The following AMOT variants were observed in gnomAD, a reference collection of about 807,000 sequenced individuals.
AMOT encodes angiomotin.
AMOT carries 11 observed loss-of-function variants against 67.0 expected under a neutral mutation model. That is an observed-to-expected ratio of 0.16 (90% CI 0.10 to 0.27). The LOEUF (loss-of-function observed/expected upper bound fraction) is 0.27. Among genes scored for constraint, AMOT ranks in the 10% least tolerant of loss-of-function variants. The probability of loss-of-function intolerance (pLI) is 1.00; values close to 1 mark genes in which losing one functional copy is unlikely to be tolerated. For missense variants in AMOT, 753 were observed against 852.0 expected, an observed-to-expected ratio of 0.88 and a Z score of 1.45; for synonymous variants, 326 against 321.4, an observed-to-expected ratio of 1.01 and a Z score of -0.15.
intron 4 of AMOT, 94 bp downstream of exon 4, chrX:112,822,161 A>T: frequency 9.6e-7 from 1 of 1,038,716 alleles, no homozygotes; most frequent in Non-Finnish European, 1.2e-6. Flanking sequence ...TTGTTATATC[A>T]AACACCTGCC....
intron 8 of AMOT, among the ~76,000 whole-genome samples, chrX:112,803,860 T>C (rs1256361060): frequency 8.9e-6 from 1 of 112,407 alleles, no homozygotes; most frequent in African/African-American, 3.2e-5. Context: ...CAACTTTTTA[T>C]GATGAAGGCT....
At chrX:112,791,552 G>A (rs1234108641) in intron 9 of AMOT, among the ~76,000 whole-genome samples, 5 of 111,918 alleles carry the variant, frequency 4.5e-5, no homozygotes, top group African/African-American at 6.5e-5. Context: ...GTGTAGCAGC[G>A]CTAATTCTTA....
In AMOT at chrX:112,823,105, G is replaced by T. The variant is rs1408410581; in HGVS notation, c.22C>A (p.Pro8Thr). MRNSEEQ[P>T]SGGTTVLQRL... ...TGCAATACCGTGGTCCCTCCACTTGGCTGTTCTTCAGAATTTCTCATCTCT... is the reference window on the plus strand; with the variant it reads ...TGCAATACCGTGGTCCCTCCACTTGTCTGTTCTTCAGAATTTCTCATCTCT... Residue 8 changes from proline (P) to threonine (T), a missense_variant, in exon 4 of 14, where the codon CCA (proline) becomes ACA (threonine). Transcript: ENST00000371959. 8.6e-7 allele frequency: 1 copy of T among 1,158,718 alleles called. No homozygotes were observed. The highest frequency in any genetic ancestry group is 1.2e-6 in the Non-Finnish European group (1 of 867,532).
intron 13 of AMOT, 114 bp from the exon 14 acceptor site, chrX:112,778,778 C>T: frequency 1.4e-6 from 1 of 726,247 alleles, no homozygotes; most frequent in Non-Finnish European, 2.0e-6. Context: ...GACTTGCCTG[C>T]CACCTCCCTC....
chrX:112,806,367 A>G (rs12559791), intron 7 of AMOT, among the ~76,000 whole-genome samples: 15,818 of 99,286 alleles, frequency 0.16, 1,033 homozygotes, highest in Non-Finnish European at 0.18. Context: ...ACGTGTGTGT[A>G]TATATATATA....
intron 4 of AMOT, among the ~76,000 whole-genome samples, chrX:112,816,449 T>C (rs757396063): frequency 8.9e-6 from 1 of 111,857 alleles, no homozygotes; most frequent in Non-Finnish European, 1.9e-5. Context: ...TAGATACTTA[T>C]ATTAGAGACA....
At chrX:112,801,938 C>T (rs761291084) in intron 8 of AMOT, among the ~76,000 whole-genome samples, 45 of 112,364 alleles carry the variant, frequency 4.0e-4, no homozygotes, top group Admixed American at 3.9e-3. Flanking sequence ...GGAAGAACTT[C>T]TAAGGTTCGA....
intron 2 of AMOT, among the ~76,000 whole-genome samples, chrX:112,827,144 A>G (rs995320334): frequency 8.9e-6 from 1 of 112,870 alleles, no homozygotes; most frequent in Non-Finnish European, 1.9e-5. Flanking sequence ...GGCGTGAGCC[A>G]CCACGCTAGG....
intron 11 of AMOT, among the ~76,000 whole-genome samples, chrX:112,781,793 A>G (rs775794823): frequency 6.2e-5 from 7 of 112,047 alleles, no homozygotes; most frequent in Non-Finnish European, 1.1e-4. Flanking sequence ...TGAGAAGATG[A>G]GATCTATGAA....
chrX:112,808,257 G>A (rs1382589440), intron 7 of AMOT, among the ~76,000 whole-genome samples: 3 of 112,093 alleles, frequency 2.7e-5, no homozygotes, highest in Non-Finnish European at 3.8e-5. Context: ...AGAAAACAGA[G>A]ACCCAGACAG....
At chrX:112,835,671 C>T (rs1026834655) in intron 1 of AMOT, among the ~76,000 whole-genome samples, 16 of 109,796 alleles carry the variant, frequency 1.5e-4, no homozygotes, top group Non-Finnish European at 2.7e-4. Flanking sequence ...CTGCAACCTC[C>T]GCCTCCCAGG....
At chrX:112,787,579 G>C (rs1438947363) in intron 10 of AMOT, among the ~76,000 whole-genome samples, 2 of 111,740 alleles carry the variant, frequency 1.8e-5, no homozygotes, top group Non-Finnish European at 3.8e-5. Flanking sequence ...TGTTAATTGT[G>C]GTGGTGGTTA....
At chrX:112,796,033 T>TTA (rs1556199912) in intron 8 of AMOT, among the ~76,000 whole-genome samples, 1 of 99,758 alleles carries the variant, frequency 1.0e-5, no homozygotes, top group African/African-American at 3.7e-5. Flanking sequence ...TTCAGAAGTT[T>TTA]AAAAAAAAAA....
chrX:112,819,452 A>C (rs957373487), intron 4 of AMOT: 1 of 723,496 alleles, frequency 1.4e-6, no homozygotes, highest in African/African-American at 2.3e-5. Context: ...GAGTTAGGTC[A>C]CCCTTAGATT....
chrX:112,788,150 G>A (rs9698299), intron 10 of AMOT, among the ~76,000 whole-genome samples: 10,147 of 109,866 alleles, frequency 0.092, 444 homozygotes, highest in South Asian at 0.19. Flanking sequence ...TTAGCCAGGC[G>A]TGGTGGCACA....
At chrX:112,810,157 T>A (rs906446328) in intron 6 of AMOT, among the ~76,000 whole-genome samples, 171 bp from the exon 7 acceptor site, 1 of 111,745 alleles carries the variant, frequency 8.9e-6, no homozygotes, top group African/African-American at 3.3e-5. Flanking sequence ...TACTAGACCA[T>A]GGCCGGGGAG....
At chrX:112,800,003 C>T (rs981978881) in intron 8 of AMOT, among the ~76,000 whole-genome samples, 5 of 111,354 alleles carry the variant, frequency 4.5e-5, no homozygotes, top group African/African-American at 1.3e-4. Flanking sequence ...GAGGCCGAGG[C>T]GGGTGGATCA....
rs1201645592 is a variant in AMOT, at chrX:112,799,972, C to A, written c.1776+4975G>T. Among the ~76,000 whole-genome samples, 4 of 111,969 alleles carry A rather than the reference C, an allele frequency of 3.6e-5. No individual in the cohort carries two copies. The East Asian group carries it at 1.1e-3, about 31-fold the overall frequency. On this transcript the variant is annotated intron_variant, in intron 8 of 13. Coordinates refer to ENST00000371959, the MANE Select transcript of AMOT (RefSeq NM_001113490.2). ...ATACGGCCAGGCACGGTGGCTCACT[C>A]CTGTAATCCCAGCACTTTGGGAGGC...
chrX:112,780,813 C>G, intron 12 of AMOT, 73 bp downstream of exon 12: 3 of 1,064,404 alleles, frequency 2.8e-6, no homozygotes, highest in Non-Finnish European at 2.6e-6. Context: ...ATCCCTTTTC[C>G]TTAAGCATGG....
Sources: allele counts gnomAD v4.1 joint callset (sites outside exome capture counted in the v4.1 genomes callset), GRCh38; gene constraint gnomAD v4.1.1; transcripts MANE v1.5; gene names NCBI Gene and HGNC (gene_info 2026-07-23, HGNC 2026-07-21).